The following RNF125 variants were observed in gnomAD, a reference collection of about 807,000 sequenced individuals.
RNF125 encodes ring finger protein 125, also known as E3 ubiquitin-protein ligase RNF125.
In RNF125, 21 loss-of-function variants were observed where a neutral mutation model predicts 26.0. The observed-to-expected ratio is 0.81, with a 90% CI of 0.57 to 1.16. The LOEUF is 1.16. RNF125 is among the 50% of genes most tolerant of loss of function. The pLI is 0.00. For synonymous variants in RNF125, 95 were observed against 109.2 expected, an observed-to-expected ratio of 0.87 and a Z score of 0.81; for missense variants, 270 against 299.4, an observed-to-expected ratio of 0.90 and a Z score of 0.72.
chr18:32,087,425 T>C, the RNF125 span, among the ~76,000 whole-genome samples: 1 of 151,278 alleles, frequency 6.6e-6, no homozygotes, highest in Non-Finnish European at 1.5e-5. Flanking sequence ...TGTCTGGGGG[T>C]ATGGAAGCCA....
chr18:32,072,142 A>G lies in RNF125; in HGVS notation c.*3758A>G, dbSNP rs2039539311. The G allele has an allele frequency of 6.6e-6, 1 of 152,280 alleles. No individual in the cohort carries two copies. The highest frequency in any genetic ancestry group is 2.4e-5 in the African/African-American group (1 of 41,470). The allele number at this position is 152,280 out of a possible 1,614,324, so 9.4% of individuals were successfully genotyped here. ...CTTGAGCCTAGGAGGTCAACACTGC[A>G]GTGAGCTATGATCATGCTACTGCCC... On this transcript the variant is annotated 3_prime_UTR_variant, in exon 6 of 6. Coordinates refer to ENST00000217740, the MANE Select transcript of RNF125 (RefSeq NM_017831.4).
intron 5 of RNF125, 169 bp downstream of exon 5, chr18:32,066,178 A>G: frequency 2.1e-6 from 1 of 477,090 alleles, no homozygotes; most frequent in South Asian, 2.4e-5. Context: ...GGCCTGGTGC[A>G]GTGGCTCACG....
At chr18:32,080,851 G>A in the RNF125 span, among the ~76,000 whole-genome samples, 7 of 152,010 alleles carry the variant, frequency 4.6e-5, no homozygotes, top group East Asian at 1.9e-4. Flanking sequence ...ACTCTAGCCT[G>A]GGGGACTGTG....
In RNF125 at chr18:32,059,249, A is replaced by C. The variant is rs149076434; in HGVS notation, c.505-6653A>C. 8.0e-3 allele frequency among the ~76,000 whole-genome samples: 1,214 copies of C among 152,234 alleles called. 21 individuals are homozygous for C. Among genetic ancestry groups the C allele is most frequent in the African/African-American group, 0.028 (1,157 of 41,556 alleles). On this transcript the variant is annotated intron_variant, in intron 4 of 5. Coordinates refer to ENST00000217740, the MANE Select transcript of RNF125 (RefSeq NM_017831.4). ...TTACATTCCCACCACCCGTGTATGA[A>C]GTTTCCCTTTTCTCCACATCCTCGT...
intron 1 of RNF125, among the ~76,000 whole-genome samples, chr18:32,025,183 G>A (rs1193472356): frequency 6.6e-6 from 1 of 152,164 alleles, no homozygotes; most frequent in Non-Finnish European, 1.5e-5. Flanking sequence ...TTAGAAGTCA[G>A]TTTGGTACTA....
At chr18:32,076,558 G>C (rs1396097582), downstream of RNF125, among the ~76,000 whole-genome samples, 3 of 152,026 alleles carry the variant, frequency 2.0e-5, no homozygotes, top group Admixed American at 6.6e-5. Context: ...CCATTCTCTT[G>C]CTTTGGCTTC....
chr18:32,045,749 C>G lies in RNF125; in HGVS notation c.504+17C>G. On this transcript the variant is annotated intron_variant, in intron 4 of 5. Coordinates refer to ENST00000217740, the MANE Select transcript of RNF125 (RefSeq NM_017831.4). ...AGGCCTGTGGTAAGGATTTTTGTTA[C>G]ATGTATTACAGCAATGTCTGAATTC... is the stretch of plus-strand genomic sequence containing the variant. 6.6e-7 allele frequency: 1 copy of G among 1,518,170 alleles called. No individual in the cohort carries two copies. The highest frequency in any genetic ancestry group is 1.1e-5 in the South Asian group (1 of 88,312). 94.0% of individuals were successfully genotyped at this position (1,518,170 alleles called of 1,614,324 possible).
intron 4 of RNF125, among the ~76,000 whole-genome samples, chr18:32,052,663 A>G (rs1047171454): frequency 1.3e-5 from 2 of 152,168 alleles, no homozygotes; most frequent in Non-Finnish European, 2.9e-5. Flanking sequence ...AGTGTTCTAT[A>G]ATCAGCTGAG....
chr18:32,070,116 C>G lies in RNF125; in HGVS notation c.*1732C>G, dbSNP rs1302035271. 2.0e-5 allele frequency: 3 copies of G among 152,224 alleles called. No individual in the cohort carries two copies. The highest frequency in any genetic ancestry group is 7.2e-5 in the African/African-American group (3 of 41,412). The allele number at this position is 152,224 out of a possible 1,614,324, so 9.4% of individuals were successfully genotyped here. ...AGTACAGTGGCACGATCTCGACTCA[C>G]TGCAACCTCCATCTCCCGGGTTCAA... On this transcript the variant is annotated 3_prime_UTR_variant, in exon 6 of 6. Transcript: ENST00000217740.
At chr18:32,065,453 G>A (rs1200053593) in intron 4 of RNF125, among the ~76,000 whole-genome samples, 3 of 151,870 alleles carry the variant, frequency 2.0e-5, no homozygotes, top group African/African-American at 7.3e-5. Flanking sequence ...GGCCTGGCTG[G>A]TCTTGAACTC....
downstream of RNF125, among the ~76,000 whole-genome samples, chr18:32,075,700 A>AAC (rs935166443): frequency 6.6e-6 from 1 of 151,356 alleles, no homozygotes; most frequent in African/African-American, 2.4e-5. Context: ...TCTCAAAAAA[A>AAC]AAAAAAAAAA....
At chr18:32,026,393 G>C (rs2039036702) in intron 1 of RNF125, among the ~76,000 whole-genome samples, 1 of 151,580 alleles carries the variant, frequency 6.6e-6, no homozygotes, top group African/African-American at 2.4e-5. Flanking sequence ...GGACTACGAG[G>C]GTGTGCCACC....
chr18:32,085,723 A>AAAAG, the RNF125 span, among the ~76,000 whole-genome samples: 4 of 146,300 alleles, frequency 2.7e-5, no homozygotes, highest in Admixed American at 6.8e-5. Flanking sequence ...AAAAAAAAAA[A>AAAAG]AGAGAGAGAG....
At chr18:32,034,489 G>A (rs1344938133) in intron 1 of RNF125, among the ~76,000 whole-genome samples, 1 of 152,010 alleles carries the variant, frequency 6.6e-6, no homozygotes, top group Non-Finnish European at 1.5e-5. Context: ...TATGTGCCTT[G>A]GTTTCCTTAT....
downstream of RNF125, among the ~76,000 whole-genome samples, chr18:32,077,150 A>C (rs1418552325): frequency 3.9e-5 from 6 of 152,242 alleles, no homozygotes; most frequent in African/African-American, 1.4e-4. Flanking sequence ...CATGAGACCT[A>C]CTGATGATAT....
chr18:32,043,861 TAG>T (rs1391160308), intron 3 of RNF125, among the ~76,000 whole-genome samples: 2 of 152,176 alleles, frequency 1.3e-5, no homozygotes. Context: ...TTCTTACACC[TAG>T]AGTTTGTCCA....
chr18:32,052,300 C>G (rs561708348), intron 4 of RNF125, among the ~76,000 whole-genome samples: 1 of 151,844 alleles, frequency 6.6e-6, no homozygotes, highest in East Asian at 2.0e-4. Context: ...CAAGACCAGC[C>G]TGGCCAATAT....
intron 4 of RNF125, among the ~76,000 whole-genome samples, chr18:32,052,196 A>G (rs1479496186): frequency 2.6e-5 from 4 of 151,732 alleles, no homozygotes; most frequent in African/African-American, 9.7e-5. Context: ...AAAATCTCCA[A>G]TAGATTTGCT....
chr18:32,064,118 T>C (rs2039459857), intron 4 of RNF125, among the ~76,000 whole-genome samples: 1 of 151,782 alleles, frequency 6.6e-6, no homozygotes, highest in African/African-American at 2.4e-5. Flanking sequence ...CCTCAGCCTC[T>C]GGAGTAGCCA....
Sources: allele counts gnomAD v4.1 joint callset (sites outside exome capture counted in the v4.1 genomes callset), GRCh38; gene constraint gnomAD v4.1.1; transcripts MANE v1.5; gene names NCBI Gene and HGNC (gene_info 2026-07-23, HGNC 2026-07-21).